The following FAM149A variants were observed in gnomAD, a reference collection of about 807,000 sequenced individuals.
The protein encoded by FAM149A is family with sequence similarity 149 member A.
Under a neutral mutation model 78.2 loss-of-function variants are expected in FAM149A, and 71 were observed. The observed-to-expected ratio is 0.91, with a 90% CI of 0.75 to 1.11. The LOEUF (loss-of-function observed/expected upper bound fraction) is 1.11. Among genes scored for constraint, FAM149A ranks in the 50% least tolerant of loss-of-function variants. The pLI is 0.00. For missense variants in FAM149A, 1,036 were observed against 971.0 expected (o/e 1.07, Z -0.89); for synonymous variants, 446 against 410.5 (o/e 1.09, Z -1.04).
At chr4:186,117,502 C>A in intron 1 of FAM149A, 1 of 985,372 alleles carries the variant, frequency 1.0e-6, no homozygotes. Context: ...TGTCAGGGGT[C>A]TGAGTTCTAA....
At chr4:186,158,361 C>T (rs1734239584) in intron 8 of FAM149A, 6 of 1,202,228 alleles carry the variant, frequency 5.0e-6, no homozygotes, top group Non-Finnish European at 6.3e-6. Flanking sequence ...TGGAAGTCGC[C>T]ATCCCGTGCA....
chr4:186,162,370 G>T (rs145816871), intron 8 of FAM149A, among the ~76,000 whole-genome samples: 43 of 152,282 alleles, frequency 2.8e-4, no homozygotes, highest in African/African-American at 9.9e-4. Context: ...CCCGGCCTGT[G>T]CTTCTCCCAG....
chr4:186,154,475 A>G lies in FAM149A; in HGVS notation c.1066A>G (p.Ile356Val), dbSNP rs757167682. 3.2e-5 allele frequency: 51 copies of G among 1,608,630 alleles called. No homozygotes were observed. Among genetic ancestry groups the G allele is most frequent in the Non-Finnish European group, 4.0e-5 (47 of 1,177,286 alleles). ...TCTGTTTTTTTCCCATAGGTTGTGC[A>G]TTTCTGGCTCTCAAATAGTCCCAGC... The change falls in exon 6 of 14, where the codon ATT becomes GTT. Residue 356 changes from isoleucine to valine, a missense_variant. By Grantham distance (29) the Ile-to-Val change is conservative. This residue lies in a region of FAM149A where 716 missense variants were observed against 711.8 expected (regional missense o/e 1.01). Transcript: ENST00000389354.
At chr4:186,120,070 T>C (rs1196690721) in intron 1 of FAM149A, among the ~76,000 whole-genome samples, 1 of 152,214 alleles carries the variant, frequency 6.6e-6, no homozygotes, top group Non-Finnish European at 1.5e-5. Flanking sequence ...TTTATAAGCA[T>C]GTTTCACAGA....
chr4:186,127,355 C>G (rs1218747365), intron 1 of FAM149A: 1 of 985,328 alleles, frequency 1.0e-6, no homozygotes, highest in Non-Finnish European at 1.2e-6. Context: ...TCCTTCCAGT[C>G]TACCTGGATT....
intron 1 of FAM149A, chr4:186,110,415 T>C (rs1186225441): frequency 7.8e-6 from 6 of 765,250 alleles, no homozygotes; most frequent in Non-Finnish European, 9.5e-6. Context: ...TTATTATACT[T>C]TAAGTTTTAG....
intron 1 of FAM149A, chr4:186,130,264 T>TCTCTCTCTCC (rs1491328128): frequency 9.3e-4 from 8 of 8,558 alleles, no homozygotes; most frequent in South Asian, 7.8e-3. Flanking sequence ...CTTTATGAAA[T>TCTCTCTCTCC]CTCTCTCTCT....
chr4:186,131,347 C>CA (rs35861617), intron 1 of FAM149A, among the ~76,000 whole-genome samples: 13 of 148,836 alleles, frequency 8.7e-5, no homozygotes, highest in South Asian at 6.4e-4. Flanking sequence ...GACTCCAACT[C>CA]AAAAAAAAAA....
intron 1 of FAM149A, among the ~76,000 whole-genome samples, chr4:186,139,137 C>G (rs954060302): frequency 1.3e-5 from 2 of 152,186 alleles, no homozygotes; most frequent in African/African-American, 4.8e-5. Context: ...ATTTGGGGCT[C>G]TTTCAGGATG....
At chr4:186,127,463 C>T (rs1401751455) in intron 1 of FAM149A, 3 of 985,332 alleles carry the variant, frequency 3.0e-6, no homozygotes, top group East Asian at 1.1e-4. Flanking sequence ...AAGAGGCTGG[C>T]CTCTCCAAAG....
chr4:186,136,776 C>T (rs1404319434), intron 1 of FAM149A, among the ~76,000 whole-genome samples: 1 of 152,108 alleles, frequency 6.6e-6, no homozygotes, highest in Admixed American at 6.5e-5. Context: ...CCCTGCAGGG[C>T]TGCAGGTGGG....
chr4:186,165,342 AG>A lies in FAM149A; in HGVS notation c.1890del. ...GCTCAGTGACATGATGATGTGTTGCAGGCCGACTGGCGTGGACCACATGGCT... is the reference window on the plus strand; with the variant it reads ...GCTCAGTGACATGATGATGTGTTGCAGCCGACTGGCGTGGACCACATGGCT... On this transcript the variant is annotated splice_acceptor_variant, in intron 10 of 13. Coordinates refer to ENST00000389354, the MANE Select transcript of FAM149A (RefSeq NM_001367768.3). LOFTEE classifies it high-confidence loss of function. The A allele has an allele frequency of 1.2e-6, 2 of 1,614,202 alleles. No individual in the cohort carries two copies. Among genetic ancestry groups the A allele is most frequent in the Non-Finnish European group, 1.7e-6 (2 of 1,180,018 alleles).
intron 12 of FAM149A, 25 bp from the exon 13 acceptor site, chr4:186,167,159 C>T (rs1487320280): frequency 6.2e-7 from 1 of 1,605,792 alleles, no homozygotes; most frequent in East Asian, 2.2e-5. Flanking sequence ...GAAACTTGTC[C>T]CTGATTTTAT....
intron 1 of FAM149A, among the ~76,000 whole-genome samples, chr4:186,138,724 G>T (rs149244831): frequency 8.3e-4 from 126 of 152,204 alleles, no homozygotes; most frequent in African/African-American, 2.9e-3. Flanking sequence ...TTATGGGTTT[G>T]GGGGGGAAGG....
At chr4:186,152,101 G>C in intron 4 of FAM149A, 56 bp downstream of exon 4, 1 of 1,553,128 alleles carries the variant, frequency 6.4e-7, no homozygotes, top group South Asian at 1.1e-5. Context: ...ACCCACCCCT[G>C]ACCTGCCTCG....
intron 1 of FAM149A, among the ~76,000 whole-genome samples, chr4:186,135,088 G>A (rs953681455): frequency 2.0e-5 from 3 of 152,164 alleles, no homozygotes; most frequent in Non-Finnish European, 4.4e-5. Flanking sequence ...ACCAGAGACC[G>A]GGGTGGGGCC....
Position 186,153,657 on chromosome 4 carries a change from A to G in FAM149A, c.945A>G (p.Arg315=). The G allele has an allele frequency of 1.9e-6, 3 of 1,614,104 alleles. No homozygotes were observed. Among genetic ancestry groups the G allele is most frequent in the African/African-American group, 1.3e-5 (1 of 75,064 alleles). The change falls in exon 5 of 14, where the codon AGA becomes AGG. Residue 315 remains arginine (R), a synonymous_variant. Transcript: ENST00000389354. Reference sequence around the variant, plus strand: ...TTTGACCTCGCAGAGTATTAGGAAGACAGCTGATCCTGCCCACTGACAAAG... The same window carrying G: ...TTTGACCTCGCAGAGTATTAGGAAGGCAGCTGATCCTGCCCACTGACAAAG...
At chr4:186,151,703 C>G in intron 3 of FAM149A, 200 bp from the exon 4 acceptor site, 1 of 984,802 alleles carries the variant, frequency 1.0e-6, no homozygotes, top group East Asian at 1.1e-4. Context: ...TAAAAGAATC[C>G]GAGGCTCAGA....
rs921190773 is a variant in FAM149A at position 186,132,905 on chromosome 4, T to G, written c.567-16268T>G. The stretch of plus-strand genomic sequence containing the variant: ...CTGTTTTGCTTTCACAGTCTTTCCC[T>G]AAATTCATGTTCATGTTAAGCCCTG... On this transcript the variant is annotated intron_variant, in intron 1 of 13. Coordinates refer to ENST00000389354, the MANE Select transcript of FAM149A (RefSeq NM_001367768.3). The G allele has an allele frequency of 4.2e-6, 4 of 942,754 alleles. No homozygotes were observed. In the African/African-American group the frequency reaches 7.1e-5, roughly 17 times the overall value. The allele number at this position is 942,754 out of a possible 1,614,324, so 58.4% of individuals were successfully genotyped here.
Sources: allele counts gnomAD v4.1 joint callset (sites outside exome capture counted in the v4.1 genomes callset), GRCh38; gene constraint gnomAD v4.1.1; regional missense constraint gnomAD v4.1.1; transcripts MANE v1.5; gene names NCBI Gene and HGNC (gene_info 2026-07-23, HGNC 2026-07-21).